Variants in ANKRD13C observed in about 807,000 individuals in gnomAD.
ANKRD13C encodes ankyrin repeat domain-containing protein 13C.
ANKRD13C carries 16 observed loss-of-function variants against 65.5 expected under a neutral mutation model. The ratio of observed to expected loss-of-function variants is 0.24; its 90% confidence interval spans 0.17 to 0.37. The LOEUF is 0.37. Ranked by LOEUF, ANKRD13C falls within the 10% of genes least tolerant of loss-of-function variation. The probability of loss-of-function intolerance (pLI) is 1.00; values close to 1 mark genes in which losing one functional copy is unlikely to be tolerated. For synonymous variants in ANKRD13C, 235 were observed against 238.7 expected, an observed-to-expected ratio of 0.98 and a Z score of 0.14; for missense variants, 503 against 655.9, an observed-to-expected ratio of 0.77 and a Z score of 2.55.
intron 9 of ANKRD13C, among the ~76,000 whole-genome samples, chr1:70,277,283 C>A (rs1011183762): frequency 6.6e-6 from 1 of 151,976 alleles, no homozygotes; most frequent in African/African-American, 2.4e-5. Context: ...TGGTGAAACC[C>A]CGTCTTTACT....
At chr1:70,298,954 G>C (rs1372054711) in intron 7 of ANKRD13C, among the ~76,000 whole-genome samples, 2 of 152,106 alleles carry the variant, frequency 1.3e-5, no homozygotes, top group Non-Finnish European at 2.9e-5. Context: ...AGAATGTACT[G>C]ATGCTGTATT....
rs1678333608 is a variant in ANKRD13C at position 70,259,831 on chromosome 1, G to C, written c.*2886C>G. 6.6e-6 allele frequency among the ~76,000 whole-genome samples: 1 copy of C among 152,098 alleles called. No individual in the cohort carries two copies. The highest frequency in any genetic ancestry group is 2.4e-5 in the African/African-American group (1 of 41,420). Reference sequence around the variant, plus strand: ...AATTCAGCAGTTAAACACAGGTTTGGACTGCACAGGTCCACTTACATGCAG... The same window carrying C: ...AATTCAGCAGTTAAACACAGGTTTGCACTGCACAGGTCCACTTACATGCAG... On this transcript the variant is annotated 3_prime_UTR_variant, in exon 13 of 13. Transcript: ENST00000370944.
At chr1:70,302,457 T>TG in intron 6 of ANKRD13C, among the ~76,000 whole-genome samples, 1 of 146,626 alleles carries the variant, frequency 6.8e-6, no homozygotes, top group African/African-American at 2.6e-5. Flanking sequence ...CCGGGCGCGG[T>TG]GGCTCACGCC....
At chr1:70,309,323 C>T (rs994676088) in intron 5 of ANKRD13C, among the ~76,000 whole-genome samples, 3 of 151,670 alleles carry the variant, frequency 2.0e-5, no homozygotes, top group African/African-American at 7.3e-5. Context: ...ATCCACCCGC[C>T]TTGGCCTCCC....
chr1:70,327,634 A>T (rs910048003), intron 2 of ANKRD13C, among the ~76,000 whole-genome samples: 6 of 152,246 alleles, frequency 3.9e-5, no homozygotes, highest in African/African-American at 2.4e-5. Context: ...TAACAATATC[A>T]TTAATTTTCC....
intron 6 of ANKRD13C, among the ~76,000 whole-genome samples, chr1:70,304,267 C>A (rs1159041967): frequency 6.8e-6 from 1 of 146,190 alleles, no homozygotes; most frequent in Non-Finnish European, 1.5e-5. Flanking sequence ...GTGTTTTAAC[C>A]TTTTTGGTTT....
intron 1 of ANKRD13C, among the ~76,000 whole-genome samples, chr1:70,351,469 G>A (rs1263022844): frequency 6.6e-6 from 1 of 152,052 alleles, no homozygotes; most frequent in Non-Finnish European, 1.5e-5. Context: ...GTGCGATCTT[G>A]GCTCACTGCA....
chr1:70,342,739 AACAC>A (rs373447795), intron 1 of ANKRD13C, among the ~76,000 whole-genome samples: 1,836 of 115,300 alleles, frequency 0.016, 23 homozygotes, highest in African/African-American at 0.043. Context: ...CACACACAAT[AACAC>A]ACACACACAC....
At chr1:70,262,954 A>AAAAAC in intron 12 of ANKRD13C, 107 bp from the exon 13 acceptor site, 1 of 923,160 alleles carries the variant, frequency 1.1e-6, no homozygotes, top group East Asian at 3.5e-5. Context: ...AAAAAAAAAA[A>AAAAAC]AAAAAATACT....
At chr1:70,290,046 A>T (rs188249601) in intron 9 of ANKRD13C, among the ~76,000 whole-genome samples, 1 of 152,200 alleles carries the variant, frequency 6.6e-6, no homozygotes, top group Non-Finnish European at 1.5e-5. Context: ...GCTCCTGGAA[A>T]AATGAAGTCT....
At position 70,327,819 on chromosome 1, in the gene ANKRD13C, C is replaced by G. The variant is rs181413559; in HGVS notation, c.473-2862G>C. 1.2e-3 allele frequency among the ~76,000 whole-genome samples: 189 copies of G among 152,222 alleles called. No individual in the cohort carries two copies. In the Middle Eastern group the frequency reaches 0.017, roughly 14 times the overall value. On this transcript the variant is annotated intron_variant, in intron 2 of 12. Coordinates refer to ENST00000370944, the MANE Select transcript of ANKRD13C (RefSeq NM_030816.5). ...GTGGCTCATGCCTGTAATCCCTACACTTTGGGAGGCCAAGGGGGGCGGATC... is the reference window on the plus strand; with the variant it reads ...GTGGCTCATGCCTGTAATCCCTACAGTTTGGGAGGCCAAGGGGGGCGGATC...
intron 5 of ANKRD13C, among the ~76,000 whole-genome samples, chr1:70,308,294 C>G (rs2101415641): frequency 6.6e-6 from 1 of 152,080 alleles, no homozygotes; most frequent in Middle Eastern, 3.4e-3. Flanking sequence ...CCATACCCAG[C>G]CAACATTATA....
intron 4 of ANKRD13C, 125 bp downstream of exon 4, chr1:70,315,356 G>A: frequency 1.5e-6 from 1 of 666,028 alleles, no homozygotes; most frequent in South Asian, 2.1e-5. Flanking sequence ...CTTAATTTAA[G>A]CATGATTTTT....
intron 2 of ANKRD13C, among the ~76,000 whole-genome samples, chr1:70,328,370 G>C (rs1681640338): frequency 6.6e-6 from 1 of 151,968 alleles, no homozygotes; most frequent in Non-Finnish European, 1.5e-5. Flanking sequence ...TGTTTAAAAA[G>C]GAATGAGTAA....
At chr1:70,346,394 C>G (rs1023335634) in intron 1 of ANKRD13C, among the ~76,000 whole-genome samples, 4 of 152,072 alleles carry the variant, frequency 2.6e-5, no homozygotes, top group African/African-American at 9.7e-5. Context: ...TTGACTTGCA[C>G]TAAGATGTCA....
chr1:70,329,792 T>A lies in ANKRD13C; in HGVS notation c.473-4835A>T, dbSNP rs59528302. 7.7e-3 allele frequency among the ~76,000 whole-genome samples: 1,139 copies of A among 148,074 alleles called. 6 individuals carry two copies. The highest frequency in any genetic ancestry group is 0.011 in the Non-Finnish European group (735 of 66,694). ...TAACCTATGACATAGTCTTATAATT[T>A]AAAAAAAAAAGAACTGGTGGCCAGG... On this transcript the variant is annotated intron_variant, in intron 2 of 12. Coordinates refer to ENST00000370944, the MANE Select transcript of ANKRD13C (RefSeq NM_030816.5).
chr1:70,267,258 G>A (rs1306731434), intron 12 of ANKRD13C, among the ~76,000 whole-genome samples: 7 of 152,028 alleles, frequency 4.6e-5, no homozygotes, highest in African/African-American at 1.5e-4. Flanking sequence ...CCTTTGATTA[G>A]TGTTTGCATG....
chr1:70,293,578 G>C, intron 8 of ANKRD13C: 2 of 984,880 alleles, frequency 2.0e-6, no homozygotes, highest in Non-Finnish European at 2.4e-6. Context: ...TAGATGATTA[G>C]CAGTTTCAAT....
intron 12 of ANKRD13C, 81 bp from the exon 13 acceptor site, chr1:70,262,928 A>C (rs1180782062): frequency 3.9e-6 from 4 of 1,014,354 alleles, no homozygotes; most frequent in Non-Finnish European, 5.5e-6. Context: ...GGAGATGTCC[A>C]TACTCCTTAA....
Sources: allele counts gnomAD v4.1 joint callset (sites outside exome capture counted in the v4.1 genomes callset), GRCh38; gene constraint gnomAD v4.1.1; transcripts MANE v1.5; gene names NCBI Gene and HGNC (gene_info 2026-07-23, HGNC 2026-07-21).